Variants in PTK2 observed in about 807,000 individuals in gnomAD.
PTK2 encodes protein tyrosine kinase 2, also known as focal adhesion kinase 1.
PTK2 carries 45 observed loss-of-function variants against 150.1 expected under a neutral mutation model. The observed-to-expected ratio is 0.30, with a 90% CI of 0.24 to 0.38. PTK2 has a LOEUF of 0.38. Ranked by LOEUF, PTK2 falls within the 10% of genes least tolerant of loss-of-function variation. The pLI is 1.00. For missense variants in PTK2, 919 were observed against 1,307.3 expected (o/e 0.70, Z 4.58); for synonymous variants, 432 against 449.2 (o/e 0.96, Z 0.48).
rs559800029 is a variant in PTK2, at chr8:140,719,999, G to A, written c.2031-2290C>T. On this transcript the variant is annotated intron_variant, in intron 22 of 31. Transcript: ENST00000522684. Reference sequence around the variant, plus strand: ...TGTGATGAGCACTAGAGAAGAGCTCGGCCTGGTACGTTCTAGCTGCAGAAC... The same window carrying A: ...TGTGATGAGCACTAGAGAAGAGCTCAGCCTGGTACGTTCTAGCTGCAGAAC... Among the ~76,000 whole-genome samples, 10 of 151,936 alleles carry A rather than the reference G, an allele frequency of 6.6e-5. No homozygotes were observed. The East Asian group carries it at 9.7e-4, about 15-fold the overall frequency.
chr8:140,753,685 T>G (rs746525163), intron 16 of PTK2, among the ~76,000 whole-genome samples: 1 of 152,246 alleles, frequency 6.6e-6, no homozygotes, highest in Non-Finnish European at 1.5e-5. Flanking sequence ...ACACTTACTA[T>G]TGTCTTTCAC....
At chr8:140,690,982 T>C (rs777580390) in intron 26 of PTK2, among the ~76,000 whole-genome samples, 1 of 152,178 alleles carries the variant, frequency 6.6e-6, no homozygotes, top group Non-Finnish European at 1.5e-5. Context: ...ATAGGATTGT[T>C]AGGAGGATGA....
exon 4 of PTK2, chr8:140,879,596 A>G (rs779995235): frequency 1.4e-6 from 2 of 1,429,986 alleles, no homozygotes; most frequent in Admixed American, 1.9e-5. Context: ...AGCAGGCCAC[A>G]TGCTTTACTT....
chr8:140,803,369 C>T (rs1457777012), intron 11 of PTK2, among the ~76,000 whole-genome samples, 174 bp downstream of exon 11: 2 of 151,970 alleles, frequency 1.3e-5, no homozygotes, highest in East Asian at 1.9e-4. Context: ...GTCTCCTGTC[C>T]TATTCTTGGG....
intron 2 of PTK2, among the ~76,000 whole-genome samples, chr8:140,902,165 C>G (rs906408804): frequency 6.6e-6 from 1 of 152,164 alleles, no homozygotes; most frequent in South Asian, 2.1e-4. Context: ...TCCTGGGTAG[C>G]TGGGATTACA....
chr8:140,778,090 C>T (rs1207068464), intron 14 of PTK2, among the ~76,000 whole-genome samples: 1 of 152,050 alleles, frequency 6.6e-6, no homozygotes, highest in Non-Finnish European at 1.5e-5. Flanking sequence ...GCTTGCTGCA[C>T]GTTGGGAAAA....
intron 29 of PTK2, among the ~76,000 whole-genome samples, chr8:140,670,485 AACAACACACACACACACAC>A (rs1279642567): frequency 3.0e-4 from 11 of 36,932 alleles, no homozygotes; most frequent in African/African-American, 4.4e-4. Context: ...AAAAAAAAAC[AACAACACACACACACACAC>A]ACACACACAC....
chr8:140,804,426 AAG>A lies in PTK2; in HGVS notation c.868-778_868-777del, dbSNP rs1457292890. 4.4e-3 allele frequency among the ~76,000 whole-genome samples: 663 copies of A among 151,490 alleles called. 4 individuals carry two copies. Among genetic ancestry groups the A allele is most frequent in the African/African-American group, 0.015 (630 of 41,394 alleles). ...CATAGTGAGACCCTTTCTCTACCAA[AAG>A]AAAAAAAAAAATAACCAGGCATGGT... On this transcript the variant is annotated intron_variant, in intron 10 of 31. Transcript: ENST00000522684.
chr8:140,834,594 A>G (rs1195115954), intron 7 of PTK2, among the ~76,000 whole-genome samples: 1 of 152,226 alleles, frequency 6.6e-6, no homozygotes. Context: ...CACTGAGACC[A>G]TATGACATAC....
At chr8:140,726,317 A>G (rs188276608) in intron 22 of PTK2, among the ~76,000 whole-genome samples, 84 of 152,316 alleles carry the variant, frequency 5.5e-4, no homozygotes, top group Non-Finnish European at 8.7e-4. Context: ...ATCTCAGAAG[A>G]GAGGGAAAAT....
chr8:140,879,133 T>TAATATATATATATATATATATA (rs567250604), intron 4 of PTK2: 1 of 162,442 alleles, frequency 6.2e-6, no homozygotes, highest in African/African-American at 2.4e-5. Context: ...GATGAAAACA[T>TAATATATATATATATATATATA]TATATATATA....
intron 30 of PTK2, among the ~76,000 whole-genome samples, chr8:140,665,523 C>T (rs1008523874): frequency 2.0e-5 from 3 of 152,120 alleles, no homozygotes; most frequent in African/African-American, 7.2e-5. Context: ...CTATTAGGCA[C>T]ACTGAGCAGA....
At chr8:140,848,811 G>A (rs529906069) in intron 5 of PTK2, among the ~76,000 whole-genome samples, 9 of 152,246 alleles carry the variant, frequency 5.9e-5, no homozygotes, top group African/African-American at 1.9e-4. Context: ...AAATACCACC[G>A]TTACTCTGAT....
intron 29 of PTK2, among the ~76,000 whole-genome samples, chr8:140,670,469 A>C (rs1183311599): frequency 2.5e-5 from 2 of 79,120 alleles, no homozygotes; most frequent in African/African-American, 4.2e-5. Context: ...AAAAAAAAAA[A>C]AAAAAAAAAA....
At chr8:140,995,324 A>C (rs2100197226) in intron 1 of PTK2, among the ~76,000 whole-genome samples, 1 of 146,694 alleles carries the variant, frequency 6.8e-6, no homozygotes, top group Non-Finnish European at 1.5e-5. Context: ...CAGAGGTTGC[A>C]GTGAGCCGAG....
intron 23 of PTK2, among the ~76,000 whole-genome samples, chr8:140,715,399 T>C (rs1014003644): frequency 6.6e-6 from 1 of 152,046 alleles, no homozygotes; most frequent in African/African-American, 2.4e-5. Flanking sequence ...CTCGAATTCC[T>C]GACCTCAGGT....
chr8:140,888,930 T>A (rs1600813844), intron 3 of PTK2, among the ~76,000 whole-genome samples: 1 of 152,212 alleles, frequency 6.6e-6, no homozygotes, highest in Non-Finnish European at 1.5e-5. Flanking sequence ...AAGCCTTACA[T>A]AAAGTTACAT....
chr8:140,706,076 A>G, intron 24 of PTK2, 43 bp downstream of exon 27: 1 of 1,490,116 alleles, frequency 6.7e-7, no homozygotes, highest in Non-Finnish European at 9.3e-7. Flanking sequence ...AAAAGCGCTA[A>G]ATAATAAAAT....
At chr8:140,890,305 T>C (rs1026280283) in intron 3 of PTK2, 19 of 410,370 alleles carry the variant, frequency 4.6e-5, no homozygotes, top group African/African-American at 3.8e-4. Context: ...AATAAGTCAA[T>C]GGTATTTTAT....
Sources: gnomAD v4.1 joint callset for allele counts (sites outside exome capture counted in the v4.1 genomes callset) on GRCh38, gnomAD v4.1.1 for gene constraint, MANE v1.5 for transcripts, NCBI Gene and HGNC (gene_info 2026-07-23, HGNC 2026-07-21) for gene names.